ARAP2: variants seen among roughly 807,000 people sequenced by gnomAD.
ARAP2 encodes arf-GAP with Rho-GAP domain, ANK repeat and PH domain-containing protein 2.
Under a neutral mutation model 194.5 loss-of-function variants are expected in ARAP2, and 148 were observed. The observed-to-expected ratio is 0.76, with a 90% confidence interval of 0.67 to 0.87. ARAP2 has a LOEUF of 0.87. ARAP2 is among the 40% of genes least tolerant of loss of function. ARAP2 has a pLI of 0.00. For synonymous variants in ARAP2, 695 were observed against 683.5 expected, an observed-to-expected ratio of 1.02 and a Z score of -0.26; for missense variants, 2,128 against 1,989.7, an observed-to-expected ratio of 1.07 and a Z score of -1.32.
chr4:36,222,330 T>C (rs1749348611), intron 2 of ARAP2, among the ~76,000 whole-genome samples: 1 of 152,102 alleles, frequency 6.6e-6, no homozygotes, highest in Admixed American at 6.6e-5. Flanking sequence ...TTGTTGGTCC[T>C]CCTGGTAAAC....
intron 28 of ARAP2, among the ~76,000 whole-genome samples, chr4:36,087,065 T>C (rs1222514450): frequency 1.3e-5 from 2 of 152,056 alleles, no homozygotes; most frequent in African/African-American, 2.4e-5. Flanking sequence ...AAAAAATATA[T>C]ACAAGCATGC....
At chr4:36,062,966 A>C (rs1171054347), downstream of ARAP2, among the ~76,000 whole-genome samples, 3 of 152,224 alleles carry the variant, frequency 2.0e-5, no homozygotes, top group Non-Finnish European at 4.4e-5. Flanking sequence ...ATGATTGTAC[A>C]CATGACAGAA....
chr4:36,120,740 T>C (rs565283506), intron 23 of ARAP2, among the ~76,000 whole-genome samples: 15 of 151,666 alleles, frequency 9.9e-5, no homozygotes, highest in Non-Finnish European at 2.2e-4. Flanking sequence ...TAAAACACCA[T>C]AGAATAATAA....
At chr4:36,047,472 A>G (rs1045566880) in intron 3 of ARAP2, among the ~76,000 whole-genome samples, 1 of 152,164 alleles carries the variant, frequency 6.6e-6, no homozygotes, top group Admixed American at 6.6e-5. Flanking sequence ...TTTCAACACA[A>G]CCATCCTGTT....
intron 27 of ARAP2, among the ~76,000 whole-genome samples, chr4:36,096,312 T>A (rs1446616470): frequency 1.4e-5 from 2 of 140,876 alleles, no homozygotes; most frequent in East Asian, 2.1e-4. Flanking sequence ...TTGAAGTGAG[T>A]CTAGATTGTG....
At chr4:36,054,485 G>C (rs1723174776) in intron 2 of ARAP2, among the ~76,000 whole-genome samples, 1 of 152,028 alleles carries the variant, frequency 6.6e-6, no homozygotes, top group African/African-American at 2.4e-5. Context: ...TAATCTATTG[G>C]GGAAGTGAGA....
chr4:36,061,321 TCCATTAA>T (rs1187227035), downstream of ARAP2, among the ~76,000 whole-genome samples: 1 of 152,196 alleles, frequency 6.6e-6, no homozygotes, highest in African/African-American at 2.4e-5. Context: ...TTCTTTTGTA[TCCATTAA>T]CCATTCTTAT....
Position 36,228,972 on chromosome 4 carries a change from C to G in ARAP2, c.515G>C (p.Gly172Ala). The change falls in exon 2 of 33, where the codon GGT (glycine) becomes GCT (alanine). Residue 172 changes from glycine to alanine, a missense_variant. Transcript: ENST00000303965. ...NLGSLNDSLFGSDNIKIESLI... is the reference protein window; with the variant it reads ...NLGSLNDSLFASDNIKIESLI... ...TGATTCTATTTTAATATTGTCACTA[C>G]CAAATAAAGAATCATTCAAAGAACC... is the stretch of plus-strand genomic sequence containing the variant. The G allele has an allele frequency of 6.2e-7, 1 of 1,614,024 alleles. No individual in the cohort carries two copies. Among genetic ancestry groups the G allele is most frequent in the Non-Finnish European group, 8.5e-7 (1 of 1,180,006 alleles).
chr4:36,062,076 T>A (rs1455345897), downstream of ARAP2, among the ~76,000 whole-genome samples: 3 of 152,226 alleles, frequency 2.0e-5, no homozygotes, highest in Non-Finnish European at 4.4e-5. Context: ...TTTGCAAATA[T>A]TTTTTGCCAT....
At position 36,175,672 on chromosome 4, in the gene ARAP2, C is replaced by T. The variant is rs185689035; in HGVS notation, c.1857+2155G>A. ...GTGTGTATATATATGTATATATGTA[C>T]GTTAACGCATAGAAAAGAACTTGTA... On this transcript the variant is annotated intron_variant, in intron 9 of 32. Coordinates refer to ENST00000303965, the MANE Select transcript of ARAP2 (RefSeq NM_015230.4). 2.2e-4 allele frequency among the ~76,000 whole-genome samples: 33 copies of T among 152,038 alleles called. No homozygotes were observed. In the South Asian group the frequency reaches 4.4e-3, roughly 20 times the overall value.
intron 2 of ARAP2, among the ~76,000 whole-genome samples, chr4:36,215,344 A>G (rs2109290628): frequency 1.3e-5 from 2 of 152,338 alleles, no homozygotes; most frequent in South Asian, 4.1e-4. Flanking sequence ...GTGGAAAAAG[A>G]GTAGCCCTTT....
intron 25 of ARAP2, among the ~76,000 whole-genome samples, chr4:36,116,506 G>C (rs574698096): frequency 2.6e-5 from 4 of 151,936 alleles, no homozygotes; most frequent in South Asian, 4.2e-4. Context: ...AGGGAGAAAA[G>C]AGTTATCCAA....
chr4:36,061,305 C>T (rs534878219), downstream of ARAP2, among the ~76,000 whole-genome samples: 11 of 152,244 alleles, frequency 7.2e-5, no homozygotes, highest in Admixed American at 7.2e-4. Flanking sequence ...TTATTGATTC[C>T]TTTTATTCTT....
chr4:36,066,232 T>C lies in ARAP2; in HGVS notation c.*1675A>G, dbSNP rs1725425622. On this transcript the variant is annotated 3_prime_UTR_variant, in exon 33 of 33. Coordinates refer to ENST00000303965, the MANE Select transcript of ARAP2 (RefSeq NM_015230.4). The stretch of plus-strand genomic sequence containing the variant: ...TATTAATTTCCACATACCTCTTTAT[T>C]TCATAAAAATATAAATATTTATTAG... 6.6e-6 allele frequency: 1 copy of C among 152,162 alleles called. No homozygotes were observed. The highest frequency in any genetic ancestry group is 1.5e-5 in the Non-Finnish European group (1 of 68,024). 9.4% of individuals were successfully genotyped at this position (152,162 alleles called of 1,614,324 possible).
At chr4:36,016,823 G>A (rs182876842) in intron 6 of ARAP2, among the ~76,000 whole-genome samples, 106 of 152,194 alleles carry the variant, frequency 7.0e-4, no homozygotes, top group Middle Eastern at 3.4e-3. Context: ...GCTCCTCATT[G>A]TATATTCTTT....
At chr4:36,014,372 A>AAG (rs1553862096) in intron 8 of ARAP2, among the ~76,000 whole-genome samples, 8,127 of 118,736 alleles carry the variant, frequency 0.068, 1,104 homozygotes, top group African/African-American at 0.26. Flanking sequence ...GAAAGAAAGA[A>AAG]AGAAAGAAAG....
chr4:36,184,374 C>T (rs1165536432), intron 8 of ARAP2, among the ~76,000 whole-genome samples: 3 of 152,050 alleles, frequency 2.0e-5, no homozygotes, highest in Non-Finnish European at 4.4e-5. Context: ...ATCAAAATAA[C>T]TCATTCAGTA....
At chr4:36,185,303 CATAG>C (rs1417256710) in intron 8 of ARAP2, among the ~76,000 whole-genome samples, 1 of 152,134 alleles carries the variant, frequency 6.6e-6, no homozygotes, top group Non-Finnish European at 1.5e-5. Context: ...ACACTATGTA[CATAG>C]ATAGGTTTCA....
intron 32 of ARAP2, among the ~76,000 whole-genome samples, chr4:36,071,712 T>TA (rs984239902): frequency 6.6e-6 from 1 of 151,454 alleles, no homozygotes; most frequent in Admixed American, 6.6e-5. Context: ...CTTTTTTTTT[T>TA]ATTATACTTT....
Sources: gnomAD v4.1 joint callset for allele counts (sites outside exome capture counted in the v4.1 genomes callset) on GRCh38, gnomAD v4.1.1 for gene constraint, MANE v1.5 for transcripts, NCBI Gene and HGNC (gene_info 2026-07-23, HGNC 2026-07-21) for gene names.